CACUL1: variants seen among roughly 807,000 people sequenced by gnomAD.
CACUL1 encodes CDK2 associated cullin domain 1.
Under a neutral mutation model 45.2 loss-of-function variants are expected in CACUL1, and 13 were observed. That is an observed-to-expected ratio of 0.29 (90% CI 0.19 to 0.46). CACUL1 has a LOEUF of 0.46. Among genes scored for constraint, CACUL1 ranks in the 20% least tolerant of loss-of-function variants. The pLI is 1.00. For missense variants in CACUL1, 421 were observed against 471.4 expected (o/e 0.89, Z 0.99); for synonymous variants, 197 against 174.2 (o/e 1.13, Z -1.03).
At chr10:118,691,596 G>A (rs113185868) in intron 6 of CACUL1, 193 bp from the exon 7 acceptor site, 206 of 500,296 alleles carry the variant, frequency 4.1e-4, no homozygotes, top group Admixed American at 1.2e-3. Flanking sequence ...GGCCGGGTGC[G>A]GCGGCTCACA....
At chr10:118,700,165 A>G (rs558496980) in intron 5 of CACUL1, among the ~76,000 whole-genome samples, 1 of 152,262 alleles carries the variant, frequency 6.6e-6, no homozygotes, top group East Asian at 1.9e-4. Flanking sequence ...ATTCTTTTGT[A>G]GATTCTGGTA....
chr10:118,743,600 T>C (rs1198668846), intron 1 of CACUL1, among the ~76,000 whole-genome samples: 1 of 151,962 alleles, frequency 6.6e-6, no homozygotes, highest in Non-Finnish European at 1.5e-5. Context: ...ATGGTGGCGT[T>C]TGCCTGTAGT....
At chr10:118,746,869 C>T (rs921952203) in intron 1 of CACUL1, among the ~76,000 whole-genome samples, 3 of 152,144 alleles carry the variant, frequency 2.0e-5, no homozygotes, top group East Asian at 1.9e-4. Flanking sequence ...AATAAATACA[C>T]AAAGAGATAC....
rs1250716340 is a variant in CACUL1, at chr10:118,701,252, AAAAGG to A, written c.796+49_796+53del. ...ATGCTCTCAGACCAAAAAAAAAAGA[AAAAGG>A]AAAGATCATTGCTAGTGTTATCTCA... On this transcript the variant is annotated intron_variant, in intron 5 of 8. Coordinates refer to ENST00000369151, the MANE Select transcript of CACUL1 (RefSeq NM_153810.5). 4.8e-6 allele frequency: 5 copies of A among 1,034,300 alleles called. No homozygotes were observed. The East Asian group carries it at 1.3e-4, about 26-fold the overall frequency. 64.1% of individuals were successfully genotyped at this position (1,034,300 alleles called of 1,614,324 possible).
intron 7 of CACUL1, among the ~76,000 whole-genome samples, chr10:118,688,860 G>A (rs1845233674): frequency 6.6e-6 from 1 of 152,154 alleles, no homozygotes; most frequent in Admixed American, 6.5e-5. Context: ...CAGCTCAAAT[G>A]AGAATCCACT....
rs189538582 is a variant in CACUL1 at position 118,705,274 on chromosome 10, A to C, written c.693+2218T>G. Among the ~76,000 whole-genome samples the C allele has an allele frequency of 9.2e-5, 14 of 152,330 alleles. No individual in the cohort carries two copies. In the East Asian group the frequency reaches 2.1e-3, roughly 23 times the overall value. ...AATTTAGAGCAAAAGTTGATTTGGCAGTATACCTTAAAGTCTTTGAAATAA... is the reference window on the plus strand; with the variant it reads ...AATTTAGAGCAAAAGTTGATTTGGCCGTATACCTTAAAGTCTTTGAAATAA... On this transcript the variant is annotated intron_variant, in intron 4 of 8. Transcript: ENST00000369151.
rs151282501 is a variant in CACUL1 at position 118,685,161 on chromosome 10, T to A, written c.*967A>T. On this transcript the variant is annotated 3_prime_UTR_variant, in exon 9 of 9. Transcript: ENST00000369151. ...TGTGTATTTGGACTTAATAACTGTA[T>A]CTGCTTCCTAGAGCATCGCAGGAAG... 35 of 151,310 alleles carry A rather than the reference T, an allele frequency of 2.3e-4. No individual in the cohort carries two copies. The East Asian group carries it at 6.7e-3, about 29-fold the overall frequency. 9.4% of individuals were successfully genotyped at this position (151,310 alleles called of 1,614,324 possible).
At chr10:118,711,202 C>A (rs1845481647) in intron 3 of CACUL1, among the ~76,000 whole-genome samples, 1 of 152,206 alleles carries the variant, frequency 6.6e-6, no homozygotes, top group African/African-American at 2.4e-5. Context: ...GTCTCAGCCT[C>A]CTGAGTAGCT....
chr10:118,706,208 G>A (rs370312434), intron 4 of CACUL1, among the ~76,000 whole-genome samples: 28 of 151,984 alleles, frequency 1.8e-4, no homozygotes, highest in African/African-American at 2.7e-4. Flanking sequence ...TATTACTCAC[G>A]CACCTAACCA....
chr10:118,733,691 T>C (rs1016041152), intron 1 of CACUL1, among the ~76,000 whole-genome samples: 1 of 152,168 alleles, frequency 6.6e-6, no homozygotes, highest in Non-Finnish European at 1.5e-5. Flanking sequence ...CTTTCAACTT[T>C]GCCCATAGAA....
At chr10:118,699,911 G>C (rs1024996653) in intron 5 of CACUL1, among the ~76,000 whole-genome samples, 2 of 151,968 alleles carry the variant, frequency 1.3e-5, no homozygotes, top group African/African-American at 4.8e-5. Flanking sequence ...GCCTCCCAAA[G>C]CGCTGGGATT....
chr10:118,701,726 C>T (rs1845381762), intron 4 of CACUL1, among the ~76,000 whole-genome samples: 1 of 152,182 alleles, frequency 6.6e-6, no homozygotes, highest in South Asian at 2.1e-4. Context: ...CACCAAAAGA[C>T]AACATGAGAA....
At position 118,754,422 on chromosome 10, in the gene CACUL1, T is replaced by TTGA; in HGVS notation, c.338_340dup (p.Ile113dup). 2.5e-6 allele frequency: 4 copies of TTGA among 1,592,422 alleles called. No homozygotes were observed. The highest frequency in any genetic ancestry group is 3.4e-6 in the Non-Finnish European group (4 of 1,170,724). On this transcript the variant is annotated inframe_insertion, in exon 1 of 9. Transcript: ENST00000369151. ...GAACTTGGAGGTGGAGGTGTTGATG[T>TTGA]TGATGGTGGAGCTGGCGGTGGGGGC... is the stretch of plus-strand genomic sequence containing the variant.
intron 1 of CACUL1, among the ~76,000 whole-genome samples, chr10:118,750,804 A>AC (rs11397691): frequency 0.76 from 115,254 of 152,036 alleles, 43,863 homozygotes; most frequent in Non-Finnish European, 0.8. Context: ...TGTCAACCTA[A>AC]AGGTGGAAAA....
At position 118,679,388 on chromosome 10, in the gene CACUL1, T is replaced by G. The variant is rs1452062605; in HGVS notation, c.*6740A>C. 1.3e-5 allele frequency: 2 copies of G among 151,802 alleles called. No individual in the cohort carries two copies. Among genetic ancestry groups the G allele is most frequent in the Non-Finnish European group, 2.9e-5 (2 of 67,978 alleles). 9.4% of individuals were successfully genotyped at this position (151,802 alleles called of 1,614,324 possible). A position where few individuals can be genotyped will look rare whatever the true frequency, so the allele number is the denominator to read the frequency against. Reference sequence around the variant, plus strand: ...TTTTTTTTTAATTTATTTTTATTTTTTATTTTTTGTAGAGACAGGGTTTCA... The same window carrying G: ...TTTTTTTTTAATTTATTTTTATTTTGTATTTTTTGTAGAGACAGGGTTTCA... On this transcript the variant is annotated 3_prime_UTR_variant, in exon 9 of 9. Coordinates refer to ENST00000369151, the MANE Select transcript of CACUL1 (RefSeq NM_153810.5).
chr10:118,731,792 T>C (rs1845699891), intron 1 of CACUL1, among the ~76,000 whole-genome samples: 1 of 152,148 alleles, frequency 6.6e-6, no homozygotes, highest in Non-Finnish European at 1.5e-5. Flanking sequence ...ACTTCACGCA[T>C]TTGTCAAGAC....
At chr10:118,731,004 C>A (rs557846659) in intron 1 of CACUL1, among the ~76,000 whole-genome samples, 1 of 152,156 alleles carries the variant, frequency 6.6e-6, no homozygotes, top group African/African-American at 2.4e-5. Flanking sequence ...ACTGGATAAG[C>A]CCAACAGAAA....
At chr10:118,730,872 G>A (rs752558778) in intron 1 of CACUL1, among the ~76,000 whole-genome samples, 4 of 152,182 alleles carry the variant, frequency 2.6e-5, no homozygotes, top group Non-Finnish European at 5.9e-5. Context: ...ACAGGACTAT[G>A]AGGATTAAGG....
At chr10:118,687,921 A>G (rs1425115916) in intron 7 of CACUL1, among the ~76,000 whole-genome samples, 1 of 152,156 alleles carries the variant, frequency 6.6e-6, no homozygotes, top group Non-Finnish European at 1.5e-5. Flanking sequence ...TGTTCACCCC[A>G]CTGCCTAGAA....
Sources: gnomAD v4.1 joint callset for allele counts (sites outside exome capture counted in the v4.1 genomes callset) on GRCh38, gnomAD v4.1.1 for gene constraint, MANE v1.5 for transcripts, NCBI Gene and HGNC (gene_info 2026-07-23, HGNC 2026-07-21) for gene names.